ADAM28: variants seen among roughly 807,000 people sequenced by gnomAD.
The protein encoded by ADAM28 is disintegrin and metalloproteinase domain-containing protein 28.
Under a neutral mutation model 101.2 loss-of-function variants are expected in ADAM28, and 105 were observed. That is an observed-to-expected ratio of 1.04 (90% CI 0.89 to 1.22). The LOEUF is 1.22. Ranked by LOEUF, ADAM28 falls within the 50% of genes most tolerant of loss-of-function variation. The probability of loss-of-function intolerance (pLI) is 0.00; values close to 1 mark genes in which losing one functional copy is unlikely to be tolerated. For missense variants in ADAM28, 1,028 were observed against 945.4 expected (o/e 1.09, Z -1.15); for synonymous variants, 322 against 310.6 (o/e 1.04, Z -0.39).
chr8:24,327,996 C>T (rs1215313131), intron 10 of ADAM28, among the ~76,000 whole-genome samples: 2 of 152,052 alleles, frequency 1.3e-5, no homozygotes, highest in Non-Finnish European at 2.9e-5. Context: ...ATTTGTACAA[C>T]AAACCCCCAT....
At chr8:24,311,525 A>G in intron 5 of ADAM28, 88 bp downstream of exon 5, 1 of 1,010,024 alleles carries the variant, frequency 9.9e-7, no homozygotes, top group Admixed American at 2.5e-5. Flanking sequence ...AAATATCATT[A>G]ATTTTTATAT....
At chr8:24,312,539 T>C (rs868219119) in intron 5 of ADAM28, among the ~76,000 whole-genome samples, 11 of 152,242 alleles carry the variant, frequency 7.2e-5, no homozygotes, top group African/African-American at 2.2e-4. Context: ...TATCTTCTTA[T>C]ATCCACTCTT....
intron 9 of ADAM28, 80 bp downstream of exon 9, chr8:24,324,083 C>A: frequency 7.3e-7 from 1 of 1,372,240 alleles, no homozygotes; most frequent in Non-Finnish European, 1.0e-6. Flanking sequence ...GTGAGGGGTG[C>A]ACATAGAGGG....
At chr8:24,307,866 A>G (rs1158050569) in intron 2 of ADAM28, among the ~76,000 whole-genome samples, 2 of 152,176 alleles carry the variant, frequency 1.3e-5, no homozygotes, top group Non-Finnish European at 2.9e-5. Flanking sequence ...TTTCAGGCCC[A>G]TTAGCTGATT....
At chr8:24,304,930 A>AAAAAAAG (rs1199301806) in intron 2 of ADAM28, among the ~76,000 whole-genome samples, 2 of 115,438 alleles carry the variant, frequency 1.7e-5, no homozygotes, top group Admixed American at 8.2e-5. Context: ...AAAAAAAAAA[A>AAAAAAAG]ATAGATTATG....
chr8:24,317,091 T>G (rs980447148), intron 6 of ADAM28, among the ~76,000 whole-genome samples: 6 of 151,958 alleles, frequency 3.9e-5, no homozygotes, highest in African/African-American at 1.4e-4. Flanking sequence ...GCTCATGAAT[T>G]AGAAGAATGT....
rs761440808 is a variant in ADAM28 at position 24,331,303 on chromosome 8, G to A, written c.1257G>A (p.Glu419=). Reference sequence around the variant, plus strand: ...GGAACCAGTTGGTGGAAATGGGAGAGGACTGTGATTGTGGGACATCTGAGG... The same window carrying A: ...GGAACCAGTTGGTGGAAATGGGAGAAGACTGTGATTGTGGGACATCTGAGG... ...ICGNQLVEMG[E]DCDCGTSEEC... The change falls in exon 12 of 23, where the codon GAG becomes GAA. Residue 419 remains glutamate, a synonymous_variant. Transcript: ENST00000265769. The A allele has an allele frequency of 5.6e-6, 9 of 1,609,230 alleles. No individual in the cohort carries two copies. The highest frequency in any genetic ancestry group is 3.4e-5 in the Admixed American group (2 of 59,238).
chr8:24,308,907 G>A (rs75394915), intron 2 of ADAM28: 12,141 of 327,984 alleles, frequency 0.037, 351 homozygotes, highest in East Asian at 0.095. Context: ...AGGAAGGCTT[G>A]AGCTTAGGTG....
At chr8:24,318,866 C>CG (rs1563287282) in intron 6 of ADAM28, among the ~76,000 whole-genome samples, 1 of 152,032 alleles carries the variant, frequency 6.6e-6, no homozygotes, top group Admixed American at 6.6e-5. Flanking sequence ...TGCCCATCCT[C>CG]GTTCAGCAGA....
At chr8:24,308,911 T>C in intron 2 of ADAM28, 1 of 328,078 alleles carries the variant, frequency 3.0e-6, no homozygotes, top group Non-Finnish European at 6.1e-6. Flanking sequence ...AGGCTTGAGC[T>C]TAGGTGCACC....
intron 13 of ADAM28, among the ~76,000 whole-genome samples, chr8:24,333,551 G>C (rs755726720): frequency 1.3e-5 from 2 of 152,190 alleles, no homozygotes; most frequent in East Asian, 3.9e-4. Context: ...TGTTGAGTAG[G>C]ATAACCCCAA....
chr8:24,335,998 C>T, intron 14 of ADAM28: 2 of 1,026,868 alleles, frequency 1.9e-6, no homozygotes, highest in South Asian at 4.4e-5. Flanking sequence ...ATCTGGCAAC[C>T]CTACTAAGAT....
At chr8:24,353,745 A>G in intron 21 of ADAM28, 25 bp from the exon 22 acceptor site, 1 of 1,370,462 alleles carries the variant, frequency 7.3e-7, no homozygotes, top group South Asian at 1.2e-5. Flanking sequence ...CTAATGCCAT[A>G]CCATTGTTTT....
intron 20 of ADAM28, chr8:24,351,514 G>T: frequency 1.6e-6 from 1 of 631,834 alleles, no homozygotes; most frequent in Non-Finnish European, 2.9e-6. Flanking sequence ...AATGCAAACA[G>T]AATAAAGAGA....
chr8:24,296,751 G>T (rs543078643), intron 1 of ADAM28, among the ~76,000 whole-genome samples: 1 of 152,290 alleles, frequency 6.6e-6, no homozygotes, highest in Admixed American at 6.5e-5. Flanking sequence ...GAGAGAGAAG[G>T]CAAGTATTAA....
At chr8:24,349,621 A>G (rs899790943) in intron 18 of ADAM28, among the ~76,000 whole-genome samples, 2 of 152,118 alleles carry the variant, frequency 1.3e-5, no homozygotes, top group Non-Finnish European at 2.9e-5. Context: ...AGTATTCTCA[A>G]TATTATGATT....
chr8:24,316,429 T>C (rs1337616813), intron 6 of ADAM28, among the ~76,000 whole-genome samples: 1 of 152,002 alleles, frequency 6.6e-6, no homozygotes, highest in East Asian at 1.9e-4. Context: ...ACACAAATGT[T>C]GATAGTGTGC....
Position 24,352,748 on chromosome 8 carries a change from T to A in ADAM28, c.2244+696T>A, listed in dbSNP as rs1404889805. Among the ~76,000 whole-genome samples, 5 of 152,306 alleles carry A rather than the reference T, an allele frequency of 3.3e-5. 1 individual carries two copies. The South Asian group carries it at 6.2e-4, about 19-fold the overall frequency. On this transcript the variant is annotated intron_variant, in intron 21 of 22. Transcript: ENST00000265769. Reference sequence around the variant, plus strand: ...ATCAAACTCATATTTTACAATATTCTCATGGGTGGGGTCATGGCTTCTCCA... The same window carrying A: ...ATCAAACTCATATTTTACAATATTCACATGGGTGGGGTCATGGCTTCTCCA...
At chr8:24,339,377 C>T (rs1814483021) in intron 14 of ADAM28, 89 bp from the exon 15 acceptor site, 2 of 988,772 alleles carry the variant, frequency 2.0e-6, no homozygotes, top group African/African-American at 1.6e-5. Flanking sequence ...CGCTTTCCAG[C>T]ACTGAATCTT....
Sources: gnomAD v4.1 joint callset for allele counts (sites outside exome capture counted in the v4.1 genomes callset) on GRCh38, gnomAD v4.1.1 for gene constraint, MANE v1.5 for transcripts, NCBI Gene and HGNC (gene_info 2026-07-23, HGNC 2026-07-21) for gene names.